KBTBD12: variants seen among roughly 807,000 people sequenced by gnomAD.
KBTBD12 encodes kelch repeat and BTB domain containing 12.
KBTBD12 carries 53 observed loss-of-function variants against 58.7 expected under a neutral mutation model. That is an observed-to-expected ratio of 0.90 (90% CI 0.72 to 1.14). The LOEUF (loss-of-function observed/expected upper bound fraction) is 1.14. KBTBD12 is among the 50% of genes most tolerant of loss of function. The probability of loss-of-function intolerance (pLI) is 0.00; values close to 1 mark genes in which losing one functional copy is unlikely to be tolerated. For missense variants in KBTBD12, 704 were observed against 751.3 expected (o/e 0.94, Z 0.74); for synonymous variants, 236 against 259.8 (o/e 0.91, Z 0.88).
intron 5 of KBTBD12, among the ~76,000 whole-genome samples, chr3:127,978,242 G>C (rs1215904174): frequency 6.6e-6 from 1 of 152,086 alleles, no homozygotes. Flanking sequence ...CCAAAAACTA[G>C]GGCCATTCCC....
chr3:127,981,975 C>G (rs905267546), intron 5 of KBTBD12, among the ~76,000 whole-genome samples: 1 of 152,150 alleles, frequency 6.6e-6, no homozygotes, highest in Non-Finnish European at 1.5e-5. Context: ...CACACATTAT[C>G]TTCTTTAATT....
chr3:127,947,152 GC>G (rs1203365396), intron 4 of KBTBD12, among the ~76,000 whole-genome samples: 1 of 151,996 alleles, frequency 6.6e-6, no homozygotes, highest in African/African-American at 2.4e-5. Context: ...CCCTGCCTAT[GC>G]CCATGTCTGG....
chr3:127,964,327 A>C (rs533567416), intron 5 of KBTBD12, among the ~76,000 whole-genome samples: 1 of 152,130 alleles, frequency 6.6e-6, no homozygotes, highest in African/African-American at 2.4e-5. Context: ...CTTTAAGCAC[A>C]TGATATGTTA....
At chr3:127,924,807 G>C (rs1047391411) in intron 2 of KBTBD12, among the ~76,000 whole-genome samples, 1 of 152,194 alleles carries the variant, frequency 6.6e-6, no homozygotes, top group Non-Finnish European at 1.5e-5. Flanking sequence ...AGGAAAGAAT[G>C]CCTGCTAAGA....
At chr3:127,954,728 C>T (rs1940285320) in intron 4 of KBTBD12, among the ~76,000 whole-genome samples, 1 of 152,190 alleles carries the variant, frequency 6.6e-6, no homozygotes, top group Non-Finnish European at 1.5e-5. Flanking sequence ...CAGCCTGCCC[C>T]TGCAGCCTCA....
intron 4 of KBTBD12, among the ~76,000 whole-genome samples, chr3:127,952,134 A>G (rs1940219396): frequency 6.6e-6 from 1 of 152,226 alleles, no homozygotes; most frequent in African/African-American, 2.4e-5. Flanking sequence ...ATTTTTTTGA[A>G]GAAGTACTAA....
intron 5 of KBTBD12, among the ~76,000 whole-genome samples, chr3:127,965,905 C>T (rs17203687): frequency 0.069 from 10,449 of 152,086 alleles, 456 homozygotes; most frequent in Non-Finnish European, 0.094. Context: ...AAACAAAAAC[C>T]CTGATTTGTA....
intron 5 of KBTBD12, among the ~76,000 whole-genome samples, chr3:127,978,674 G>A (rs1293668675): frequency 6.6e-6 from 1 of 152,164 alleles, no homozygotes; most frequent in Non-Finnish European, 1.5e-5. Flanking sequence ...TTCCCAGGTG[G>A]TAGCAATAGC....
intron 5 of KBTBD12, among the ~76,000 whole-genome samples, chr3:127,970,923 G>A (rs892225212): frequency 8.5e-5 from 13 of 152,242 alleles, no homozygotes; most frequent in Middle Eastern, 6.8e-3. Context: ...ATTTTCAAGG[G>A]GTGAATTTTA....
chr3:127,944,828 TG>T lies in KBTBD12; in HGVS notation c.1492+14549del, dbSNP rs1169460839. 2.0e-5 allele frequency among the ~76,000 whole-genome samples: 3 copies of T among 152,248 alleles called. No homozygotes were observed. The East Asian group carries it at 5.8e-4, about 29-fold the overall frequency. On this transcript the variant is annotated intron_variant, in intron 4 of 5. Coordinates refer to ENST00000405109, the MANE Select transcript of KBTBD12 (RefSeq NM_207335.4). ...TTCTCCTAAATGGCCTTTACTGTAC[TG>T]GGGAAATGTTCTTCTCTACATTTTA... is the stretch of plus-strand genomic sequence containing the variant.
chr3:127,984,874 T>G lies in KBTBD12; in HGVS notation c.*596T>G. ...TCGTGCATTAAGGGAGACTTCTCTCTGTGCTCTGTTCCAGCTTCAGTCTTA... is the reference window on the plus strand; with the variant it reads ...TCGTGCATTAAGGGAGACTTCTCTCGGTGCTCTGTTCCAGCTTCAGTCTTA... On this transcript the variant is annotated 3_prime_UTR_variant, in exon 6 of 6. Coordinates refer to ENST00000405109, the MANE Select transcript of KBTBD12 (RefSeq NM_207335.4). 6.6e-6 allele frequency: 1 copy of G among 152,434 alleles called. No homozygotes were observed. The highest frequency in any genetic ancestry group is 1.5e-5 in the Non-Finnish European group (1 of 68,128). The allele number at this position is 152,434 out of a possible 1,614,324, so 9.4% of individuals were successfully genotyped here.
At chr3:127,927,511 A>G (rs1218906150) in intron 2 of KBTBD12, among the ~76,000 whole-genome samples, 1 of 152,158 alleles carries the variant, frequency 6.6e-6, no homozygotes, top group Non-Finnish European at 1.5e-5. Context: ...TGGAAAATCT[A>G]TACTTTTTCT....
chr3:127,917,745 T>G (rs995854578), intron 1 of KBTBD12, among the ~76,000 whole-genome samples: 2 of 152,244 alleles, frequency 1.3e-5, no homozygotes, highest in East Asian at 1.9e-4. Context: ...TTTTATAGTA[T>G]CACAATAAAT....
At chr3:127,921,507 C>A (rs892207665) in intron 1 of KBTBD12, among the ~76,000 whole-genome samples, 1 of 152,020 alleles carries the variant, frequency 6.6e-6, no homozygotes, top group Non-Finnish European at 1.5e-5. Flanking sequence ...CTTCTATGTA[C>A]CTTATATGTA....
intron 5 of KBTBD12, among the ~76,000 whole-genome samples, chr3:127,974,591 C>A (rs752057829): frequency 6.6e-6 from 1 of 152,218 alleles, no homozygotes; most frequent in Admixed American, 6.5e-5. Flanking sequence ...CATTCATTCA[C>A]AACCTGATTG....
chr3:127,931,509 C>G (rs1939700386), intron 4 of KBTBD12, among the ~76,000 whole-genome samples: 1 of 152,066 alleles, frequency 6.6e-6, no homozygotes, highest in Admixed American at 6.6e-5. Flanking sequence ...AAGGGCCTGT[C>G]TACTAAACAT....
intron 5 of KBTBD12, among the ~76,000 whole-genome samples, chr3:127,967,213 C>T (rs982184799): frequency 6.6e-5 from 10 of 151,946 alleles, no homozygotes; most frequent in Admixed American, 1.3e-4. Flanking sequence ...CAAAGCAGGC[C>T]GAAAGAGTGG....
chr3:127,968,803 C>T lies in KBTBD12; in HGVS notation c.1690+5417C>T, dbSNP rs138419242. Among the ~76,000 whole-genome samples the T allele has an allele frequency of 4.7e-3, 704 of 151,054 alleles. 3 individuals are homozygous for T. The highest frequency in any genetic ancestry group is 0.016 in the African/African-American group (668 of 41,162). ...AAGTTGAAGGAAAAAAAAAAGAAAA[C>T]GAATCAATGTAATATGCCGTATTAG... is the stretch of plus-strand genomic sequence containing the variant. On this transcript the variant is annotated intron_variant, in intron 5 of 5. Transcript: ENST00000405109.
At chr3:127,920,797 T>C (rs1324839134) in intron 1 of KBTBD12, among the ~76,000 whole-genome samples, 1 of 152,106 alleles carries the variant, frequency 6.6e-6, no homozygotes, top group Admixed American at 6.5e-5. Flanking sequence ...AGTTTATTCT[T>C]GTGATTTATA....
Sources: gnomAD v4.1 joint callset for allele counts (sites outside exome capture counted in the v4.1 genomes callset) on GRCh38, gnomAD v4.1.1 for gene constraint, MANE v1.5 for transcripts, NCBI Gene and HGNC (gene_info 2026-07-23, HGNC 2026-07-21) for gene names.